The following IQCH variants were observed in gnomAD, a reference collection of about 807,000 sequenced individuals.
IQCH encodes the protein IQ domain-containing protein H.
In IQCH, 98 loss-of-function variants were observed where a neutral mutation model predicts 117.0. The ratio of observed to expected loss-of-function variants is 0.84; its 90% CI spans 0.71 to 0.99. The LOEUF (loss-of-function observed/expected upper bound fraction) is 0.99. IQCH is among the 50% of genes least tolerant of loss of function. The pLI, the probability that IQCH is intolerant of heterozygous loss-of-function variation, is 0.00. For missense variants in IQCH, 1,102 were observed against 1,243.8 expected, an observed-to-expected ratio of 0.89 and a Z score of 1.72; for synonymous variants, 412 against 448.2, an observed-to-expected ratio of 0.92 and a Z score of 1.02.
At chr15:67,340,442 A>AC (rs1464476105) in intron 5 of IQCH, among the ~76,000 whole-genome samples, 57 of 75,676 alleles carry the variant, frequency 7.5e-4, no homozygotes, top group East Asian at 5.3e-3. Context: ...AAAAAAAAAA[A>AC]AAAAAAAAAA....
Position 67,454,297 on chromosome 15 carries a change from G to A in IQCH, c.2506-10830G>A, listed in dbSNP as rs2082606718. 6.6e-6 allele frequency among the ~76,000 whole-genome samples: 1 copy of A among 152,184 alleles called. No individual in the cohort carries two copies. The highest frequency in any genetic ancestry group is 2.1e-4 in the South Asian group (1 of 4,824). ...ACCCGGTACCTCAGTTGGAAATGCA[G>A]AAATCACCCGTCTTCTGCGTCGCTC... is the stretch of plus-strand genomic sequence containing the variant. On this transcript the variant is annotated intron_variant, in intron 16 of 20. Transcript: ENST00000335894. The surrounding 1 kb of genome is among the most constrained non-coding windows in gnomAD (Gnocchi z 5.2).
intron 4 of IQCH, among the ~76,000 whole-genome samples, chr15:67,289,009 A>G (rs1596108555): frequency 6.6e-6 from 1 of 152,246 alleles, no homozygotes; most frequent in Non-Finnish European, 1.5e-5. Flanking sequence ...ATGCAAATAC[A>G]TGGCCATAAA....
intron 16 of IQCH, among the ~76,000 whole-genome samples, chr15:67,435,491 C>T (rs1245493588): frequency 4.0e-5 from 6 of 151,684 alleles, no homozygotes; most frequent in East Asian, 3.9e-4. Flanking sequence ...GGCTAAGGCA[C>T]GAGAATTGCT....
rs960376930 is a variant in IQCH at position 67,374,842 on chromosome 15, C to G, written c.1372+1409C>G. 4.6e-5 allele frequency among the ~76,000 whole-genome samples: 7 copies of G among 152,162 alleles called. No homozygotes were observed. In the East Asian group the frequency reaches 1.3e-3, roughly 29 times the overall value. Reference sequence around the variant, plus strand: ...GCAGACCTCATTAGTTGACTTGAGTCCTTCGAATAAGGTGCAGGAGGCTTT... The same window carrying G: ...GCAGACCTCATTAGTTGACTTGAGTGCTTCGAATAAGGTGCAGGAGGCTTT... On this transcript the variant is annotated intron_variant, in intron 10 of 20. Coordinates refer to ENST00000335894, the MANE Select transcript of IQCH (RefSeq NM_001031715.3).
In IQCH at chr15:67,473,835, T is replaced by C. The variant is rs974011783; in HGVS notation, c.2677-1861T>C. Among the ~76,000 whole-genome samples, 5 of 152,074 alleles carry C rather than the reference T, an allele frequency of 3.3e-5. No individual in the cohort carries two copies. Among genetic ancestry groups the C allele is most frequent in the African/African-American group, 1.2e-4 (5 of 41,384 alleles). ...TTTTCTGTTGTTAGAAAAATCCCAATGGCTACAAATGGGACGCTACAAGTG... is the reference window on the plus strand; with the variant it reads ...TTTTCTGTTGTTAGAAAAATCCCAACGGCTACAAATGGGACGCTACAAGTG... On this transcript the variant is annotated intron_variant, in intron 17 of 20. Transcript: ENST00000335894. The surrounding 1 kb of genome is among the most constrained non-coding windows in gnomAD (Gnocchi z 4.9).
chr15:67,499,297 CAAAAAAA>C (rs59618730), intron 20 of IQCH, among the ~76,000 whole-genome samples: 5 of 49,148 alleles, frequency 1.0e-4, no homozygotes, highest in Admixed American at 3.7e-4. Context: ...AGACCTGTCC[CAAAAAAA>C]AAAAAAAAAA....
At chr15:67,266,427 C>A (rs908714188) in intron 3 of IQCH, among the ~76,000 whole-genome samples, 1 of 151,952 alleles carries the variant, frequency 6.6e-6, no homozygotes, top group African/African-American at 2.4e-5. Flanking sequence ...GAGGCCAAGG[C>A]GGGCGGATCA....
chr15:67,256,328 T>C (rs958589218), intron 1 of IQCH, among the ~76,000 whole-genome samples: 1 of 152,180 alleles, frequency 6.6e-6, no homozygotes, highest in African/African-American at 2.4e-5. Context: ...CTAGAGAAGC[T>C]TATCTGAGGC....
At position 67,454,414 on chromosome 15, in the gene IQCH, C is replaced by A; in HGVS notation, c.2506-10713C>A. On this transcript the variant is annotated intron_variant, in intron 16 of 20. Coordinates refer to ENST00000335894, the MANE Select transcript of IQCH (RefSeq NM_001031715.3). This position sits in a 1 kb window ranked among gnomAD's most constrained non-coding sequence, Gnocchi z 5.2. ...CCTTGTGATCCGCCCGCCTCGGCCT[C>A]CCAAAGTATTCAAAATTCACACTTT... is the stretch of plus-strand genomic sequence containing the variant. Among the ~76,000 whole-genome samples the A allele has an allele frequency of 6.6e-6, 1 of 152,192 alleles. No homozygotes were observed. The highest frequency in any genetic ancestry group is 3.2e-3 in the Middle Eastern group (1 of 316).
rs997494634 is a variant in IQCH at position 67,431,343 on chromosome 15, A to T, written c.2505+9766A>T. 1.3e-5 allele frequency among the ~76,000 whole-genome samples: 2 copies of T among 152,202 alleles called. No homozygotes were observed. The highest frequency in any genetic ancestry group is 2.4e-5 in the African/African-American group (1 of 41,444). ...ATGTCCTGCATTTGCAGGGACATGG[A>T]TGTAGCTGGAGGTCATTATCCTTAG... On this transcript the variant is annotated intron_variant, in intron 16 of 20. Transcript: ENST00000335894. This position sits in a 1 kb window ranked among gnomAD's most constrained non-coding sequence, Gnocchi z 4.8.
At chr15:67,440,164 A>G (rs2082234695) in intron 16 of IQCH, among the ~76,000 whole-genome samples, 1 of 152,186 alleles carries the variant, frequency 6.6e-6, no homozygotes, top group Non-Finnish European at 1.5e-5. Context: ...CCTAGCTTAA[A>G]TCAGGAAGAA....
Position 67,456,772 on chromosome 15 carries a change from T to C in IQCH, c.2506-8355T>C, listed in dbSNP as rs918679193. ...GGATTTTTTTCAGAATCCAAAAGTT[T>C]TGAAGGCCTTTGAAAATCACGGAAG... is the stretch of plus-strand genomic sequence containing the variant. On this transcript the variant is annotated intron_variant, in intron 16 of 20. Transcript: ENST00000335894. The surrounding 1 kb of genome is among the most constrained non-coding windows in gnomAD (Gnocchi z 5.1). 6.6e-6 allele frequency among the ~76,000 whole-genome samples: 1 copy of C among 152,090 alleles called. No individual in the cohort carries two copies. The highest frequency in any genetic ancestry group is 6.6e-5 in the Admixed American group (1 of 15,260).
intron 4 of IQCH, among the ~76,000 whole-genome samples, chr15:67,289,046 C>A (rs1293278116): frequency 6.6e-6 from 1 of 151,968 alleles, no homozygotes; most frequent in Non-Finnish European, 1.5e-5. Flanking sequence ...CTGGGGGGAA[C>A]CCAATGAGTT....
intron 3 of IQCH, among the ~76,000 whole-genome samples, chr15:67,277,296 C>A (rs1266863629): frequency 6.6e-6 from 1 of 152,156 alleles, no homozygotes; most frequent in Non-Finnish European, 1.5e-5. Flanking sequence ...AAATCTCTGG[C>A]ATAGCTGAAT....
chr15:67,292,533 GTAAGCCAGCTCCCAGGC>G (rs1966787029), intron 4 of IQCH, among the ~76,000 whole-genome samples: 1 of 152,046 alleles, frequency 6.6e-6, no homozygotes, highest in African/African-American at 2.4e-5. Flanking sequence ...GATTACAGGG[GTAAGCCAGCTCCCAGGC>G]TTCATTATAG....
intron 4 of IQCH, among the ~76,000 whole-genome samples, chr15:67,300,084 T>A (rs1206908894): frequency 2.6e-5 from 4 of 152,162 alleles, no homozygotes; most frequent in African/African-American, 9.6e-5. Context: ...GAAGTTTTCC[T>A]TAGCAACTCT....
intron 4 of IQCH, among the ~76,000 whole-genome samples, chr15:67,327,965 T>C (rs1968487045): frequency 6.6e-6 from 1 of 152,214 alleles, no homozygotes; most frequent in African/African-American, 2.4e-5. Flanking sequence ...ACTGTGTTTT[T>C]CTTCTTGAAT....
intron 3 of IQCH, among the ~76,000 whole-genome samples, chr15:67,265,888 T>C (rs538435826): frequency 1.3e-5 from 2 of 152,310 alleles, no homozygotes; most frequent in East Asian, 3.9e-4. Context: ...GACAATTCAT[T>C]GCATTTTTCT....
At chr15:67,420,786 T>C (rs974308580) in intron 15 of IQCH, among the ~76,000 whole-genome samples, 2 of 152,242 alleles carry the variant, frequency 1.3e-5, no homozygotes, top group East Asian at 3.8e-4. Flanking sequence ...TATAACTGGC[T>C]TTATATAGAA....
Sources: gnomAD v4.1 joint callset for allele counts (sites outside exome capture counted in the v4.1 genomes callset) on GRCh38, gnomAD v4.1.1 for gene constraint, Gnocchi (gnomAD v3.1) non-coding constraint, MANE v1.5 for transcripts, NCBI Gene and HGNC (gene_info 2026-07-23, HGNC 2026-07-21) for gene names.